The following DOCK3 variants were observed in gnomAD, a reference collection of about 807,000 sequenced individuals.
DOCK3 encodes dedicator of cytokinesis 3.
DOCK3 carries 60 observed loss-of-function variants against 265.6 expected under a neutral mutation model. That is an observed-to-expected ratio of 0.23 (90% CI 0.18 to 0.28). DOCK3 has a LOEUF of 0.28. Among genes scored for constraint, DOCK3 ranks in the 10% least tolerant of loss-of-function variants. The pLI, the probability that DOCK3 is intolerant of heterozygous loss-of-function variation, is 1.00. For synonymous variants in DOCK3, 881 were observed against 938.0 expected (o/e 0.94, Z 1.11); for missense variants, 1,981 against 2,594.3 (o/e 0.76, Z 5.14).
intron 27 of DOCK3, among the ~76,000 whole-genome samples, chr3:51,286,155 G>A (rs1385422950): frequency 6.6e-6 from 1 of 152,102 alleles, no homozygotes; most frequent in Non-Finnish European, 1.5e-5. Flanking sequence ...AAAATCAGTA[G>A]CATTTTTATA....
intron 9 of DOCK3, among the ~76,000 whole-genome samples, chr3:51,107,287 CAGAA>C (rs1354983635): frequency 6.6e-6 from 1 of 152,220 alleles, no homozygotes; most frequent in African/African-American, 2.4e-5. Flanking sequence ...TCTGACAACT[CAGAA>C]AGCCAGAGTA....
intron 51 of DOCK3, chr3:51,379,333 T>C: frequency 2.1e-6 from 2 of 958,972 alleles, no homozygotes; most frequent in Non-Finnish European, 2.5e-6. Context: ...GGTGCTGGCA[T>C]GCCCCACATG....
At chr3:51,084,551 T>G (rs1224935484) in intron 7 of DOCK3, among the ~76,000 whole-genome samples, 1 of 152,136 alleles carries the variant, frequency 6.6e-6, no homozygotes, top group East Asian at 1.9e-4. Context: ...AAGCAAAAAC[T>G]GAGGGAATTC....
chr3:51,201,366 G>GA (rs1209104301), intron 12 of DOCK3, among the ~76,000 whole-genome samples: 1 of 151,842 alleles, frequency 6.6e-6, no homozygotes, highest in African/African-American at 2.4e-5. Context: ...AAAGGAAGGG[G>GA]TTGCAATCCT....
intron 5 of DOCK3, among the ~76,000 whole-genome samples, chr3:50,950,563 T>G (rs1196758398): frequency 6.6e-6 from 1 of 152,112 alleles, no homozygotes; most frequent in Non-Finnish European, 1.5e-5. Context: ...TTTTTGCCCT[T>G]TAACCCTGAG....
intron 32 of DOCK3, among the ~76,000 whole-genome samples, chr3:51,320,638 G>C (rs970308395): frequency 1.3e-5 from 2 of 152,174 alleles, no homozygotes; most frequent in African/African-American, 4.8e-5. Flanking sequence ...AGCCTGGTTG[G>C]GAGAGGGGCT....
chr3:50,951,791 GA>G (rs60461799), intron 5 of DOCK3, among the ~76,000 whole-genome samples: 14,411 of 149,424 alleles, frequency 0.096, 841 homozygotes, highest in Non-Finnish European at 0.12. Flanking sequence ...TGCTAAGACT[GA>G]AAAAAAAAAT....
At chr3:51,059,486 CACACA>C (rs2081331246) in intron 5 of DOCK3, among the ~76,000 whole-genome samples, 1 of 151,622 alleles carries the variant, frequency 6.6e-6, no homozygotes, top group Admixed American at 6.6e-5. Flanking sequence ...CACACACACA[CACACA>C]CACCCCACAT....
At chr3:51,263,300 A>G (rs1346694657) in intron 23 of DOCK3, among the ~76,000 whole-genome samples, 5 of 152,218 alleles carry the variant, frequency 3.3e-5, no homozygotes, top group African/African-American at 1.2e-4. Context: ...TCAACCCAGA[A>G]TTTCATATCC....
intron 4 of DOCK3, among the ~76,000 whole-genome samples, chr3:50,917,597 C>T (rs571991977): frequency 1.3e-5 from 2 of 151,906 alleles, no homozygotes; most frequent in African/African-American, 4.8e-5. Context: ...TAAAATTTTT[C>T]TTCACATCAA....
intron 27 of DOCK3, among the ~76,000 whole-genome samples, chr3:51,303,170 C>A (rs566556431): frequency 6.6e-6 from 1 of 151,714 alleles, no homozygotes; most frequent in Non-Finnish European, 1.5e-5. Flanking sequence ...AGTCTTCAAG[C>A]TCTGAAATTA....
chr3:51,172,482 T>C (rs1401090605), intron 12 of DOCK3, among the ~76,000 whole-genome samples: 1 of 152,188 alleles, frequency 6.6e-6, no homozygotes, highest in Non-Finnish European at 1.5e-5. Context: ...AGCTGGAATA[T>C]CTTTTTTCAT....
At chr3:50,738,687 A>G (rs1373857111) in intron 1 of DOCK3, among the ~76,000 whole-genome samples, 1 of 152,206 alleles carries the variant, frequency 6.6e-6, no homozygotes. Context: ...TTTAACACCC[A>G]GCATTTTGTC....
chr3:51,059,491 A>ACC (rs1293147036), intron 5 of DOCK3, among the ~76,000 whole-genome samples: 40 of 140,226 alleles, frequency 2.9e-4, no homozygotes, highest in African/African-American at 9.6e-4. Context: ...ACACACACAC[A>ACC]CACCCCACAT....
intron 1 of DOCK3, among the ~76,000 whole-genome samples, chr3:50,727,990 AC>A (rs987712795): frequency 1.3e-5 from 2 of 152,190 alleles, no homozygotes; most frequent in Admixed American, 6.5e-5. Flanking sequence ...AGATCATTAT[AC>A]CCAACAGAGT....
chr3:51,153,787 G>T lies in DOCK3; in HGVS notation c.829-5457G>T, dbSNP rs573823158. Among the ~76,000 whole-genome samples the T allele has an allele frequency of 5.3e-5, 8 of 152,314 alleles. 1 individual carries two copies. Among genetic ancestry groups the T allele is most frequent in the African/African-American group, 1.9e-4 (8 of 41,568 alleles). On this transcript the variant is annotated intron_variant, in intron 10 of 52. Coordinates refer to ENST00000266037, the MANE Select transcript of DOCK3 (RefSeq NM_004947.5). ...AAACCTCACAATCCCACCTTGCCATGTGTGTTCTTCAAGTTTATTCTGATT... is the reference window on the plus strand; with the variant it reads ...AAACCTCACAATCCCACCTTGCCATTTGTGTTCTTCAAGTTTATTCTGATT...
intron 5 of DOCK3, among the ~76,000 whole-genome samples, chr3:50,961,767 A>T (rs1009065075): frequency 6.6e-6 from 1 of 152,336 alleles, no homozygotes; most frequent in Non-Finnish European, 1.5e-5. Context: ...TGCAAGCATT[A>T]CATGATATAA....
intron 13 of DOCK3, 88 bp from the exon 14 acceptor site, chr3:51,214,034 T>G: frequency 6.4e-7 from 1 of 1,571,430 alleles, no homozygotes; most frequent in Non-Finnish European, 8.7e-7. Context: ...CTTTGCACAT[T>G]TTCTTCTGGA....
intron 21 of DOCK3, among the ~76,000 whole-genome samples, chr3:51,239,398 C>T (rs1218189721): frequency 2.6e-5 from 4 of 151,542 alleles, no homozygotes; most frequent in Admixed American, 6.6e-5. Context: ...TGAGTAGAGA[C>T]GGGGTTTCAC....
Sources: allele counts gnomAD v4.1 joint callset (sites outside exome capture counted in the v4.1 genomes callset), GRCh38; gene constraint gnomAD v4.1.1; transcripts MANE v1.5; gene names NCBI Gene and HGNC (gene_info 2026-07-23, HGNC 2026-07-21).